Variants in SMC1A observed in about 807,000 individuals in gnomAD.
SMC1A encodes the protein structural maintenance of chromosomes 1A.
In SMC1A, 4 loss-of-function variants were observed where a neutral mutation model predicts 94.5. That is an observed-to-expected ratio of 0.04 (90% CI 0.02 to 0.10). SMC1A has a LOEUF of 0.10. Among genes scored for constraint, SMC1A ranks in the 10% least tolerant of loss-of-function variants. The probability of loss-of-function intolerance (pLI) is 1.00; values close to 1 mark genes in which losing one functional copy is unlikely to be tolerated. For missense variants in SMC1A, 304 were observed against 989.0 expected, an observed-to-expected ratio of 0.31 and a Z score of 9.29; for synonymous variants, 345 against 347.7, an observed-to-expected ratio of 0.99 and a Z score of 0.09.
rs1057515959 is a variant in SMC1A, at chrX:53,376,432, G to A, written c.*3671C>T. 2 of 111,828 alleles carry A rather than the reference G, an allele frequency of 1.8e-5. No homozygotes were observed. Among genetic ancestry groups the A allele is most frequent in the Non-Finnish European group, 3.8e-5 (2 of 53,152 alleles). 9.2% of individuals were successfully genotyped at this position (111,828 alleles called of 1,213,427 possible). A position where few individuals can be genotyped will look rare whatever the true frequency, so the allele number is the denominator to read the frequency against. ...GGCCGGGGCCCAGAATGCCGTACCT[G>A]TTTGTGGTATACAGCCAGTTTGGGA... On this transcript the variant is annotated 3_prime_UTR_variant, in exon 25 of 25. Coordinates refer to ENST00000322213, the MANE Select transcript of SMC1A (RefSeq NM_006306.4).
intron 19 of SMC1A, 62 bp from the exon 20 acceptor site, chrX:53,383,315 G>T: frequency 9.2e-7 from 1 of 1,089,435 alleles, no homozygotes; most frequent in Non-Finnish European, 1.2e-6. Flanking sequence ...GGCCCCCACC[G>T]AAAGATGACT....
chrX:53,413,709 T>G (rs2075721810), intron 3 of SMC1A, among the ~76,000 whole-genome samples: 1 of 111,524 alleles, frequency 9.0e-6, no homozygotes, highest in South Asian at 3.7e-4. Flanking sequence ...TAGGGATATC[T>G]ATCTCAGAAG....
In SMC1A at chrX:53,405,616, A is replaced by G. The variant is rs148508247; in HGVS notation, c.1788T>C (p.Asp596=). 4.1e-6 allele frequency: 5 copies of G among 1,210,161 alleles called. No individual in the cohort carries two copies. In the African/African-American group the frequency reaches 8.7e-5, roughly 21 times the overall value. The change falls in exon 11 of 25, where the codon GAT becomes GAC. Residue 596 remains aspartate (D), a synonymous_variant. Transcript: ENST00000322213. ...RELKGAKLVI[D]VIRYEPPHIK... ...TATGAGGTGGCTCATAGCGAATCAC[A>G]TCAATCACTAGCTTGGCCCCCTTCA...
At chrX:53,384,282 G>C (rs2075596285) in intron 19 of SMC1A, among the ~76,000 whole-genome samples, 2 of 102,844 alleles carry the variant, frequency 1.9e-5, no homozygotes, top group South Asian at 8.9e-4. Flanking sequence ...TTTTTTTTTG[G>C]AGACAGAGTC....
intron 16 of SMC1A, among the ~76,000 whole-genome samples, chrX:53,396,938 GAC>G (rs1211170651): frequency 3.6e-5 from 4 of 112,077 alleles, no homozygotes; most frequent in Non-Finnish European, 7.5e-5. Flanking sequence ...TTGATTTACA[GAC>G]AGTTTTACAT....
chrX:53,409,023 T>C (rs1556890123), intron 9 of SMC1A, 39 bp downstream of exon 9: 3 of 1,149,361 alleles, frequency 2.6e-6, no homozygotes, highest in Non-Finnish European at 2.4e-6. Flanking sequence ...TGACAGTGAG[T>C]GTAAGTGCTC....
chrX:53,394,731 T>TGCCCCCCCCCCCC, intron 19 of SMC1A, 47 bp downstream of exon 19: 8 of 416,189 alleles, frequency 1.9e-5, no homozygotes, highest in East Asian at 4.6e-5. Context: ...ATAGTCCCAC[T>TGCCCCCCCCCCCC]CCCACCCAAC....
chrX:53,390,486 T>G (rs1300990115), intron 19 of SMC1A, among the ~76,000 whole-genome samples: 1 of 104,707 alleles, frequency 9.6e-6, no homozygotes, highest in Non-Finnish European at 2.0e-5. Context: ...AGACTCTATC[T>G]CAAAAAAAAA....
chrX:53,397,512 C>T (rs1924377067), intron 16 of SMC1A, among the ~76,000 whole-genome samples: 1 of 110,697 alleles, frequency 9.0e-6, no homozygotes, highest in African/African-American at 3.3e-5. Flanking sequence ...GCCTGGGAGG[C>T]GGAGGTTGCA....
rs200645744 is a variant in SMC1A at position 53,409,071 on chromosome X, A to G, written c.1536T>C (p.Pro512=). ...EIMESIKRLY[P]GSVYGRLIDL... ...CCCTCTCTGCTCTTACCACAGAGCC[A>G]GGGTAAAGGCGCTTGATGCTTTCCA... is the stretch of plus-strand genomic sequence containing the variant. The change falls in exon 9 of 25, where the codon CCT becomes CCC. Residue 512 remains proline (P), a synonymous_variant. Transcript: ENST00000322213. 1.7e-6 allele frequency: 2 copies of G among 1,208,568 alleles called. No individual in the cohort carries two copies. Among genetic ancestry groups the G allele is most frequent in the Middle Eastern group, 2.3e-4 (1 of 4,266 alleles).
rs1015571458 is a variant in SMC1A, at chrX:53,379,032, C to T, written c.*1071G>A. 2 of 111,783 alleles carry T rather than the reference C, an allele frequency of 1.8e-5. No homozygotes were observed. Among genetic ancestry groups the T allele is most frequent in the African/African-American group, 6.5e-5 (2 of 30,746 alleles). 9.2% of individuals were successfully genotyped at this position (111,783 alleles called of 1,213,427 possible). On this transcript the variant is annotated 3_prime_UTR_variant, in exon 25 of 25. Transcript: ENST00000322213. ...CCAGATTTGGAGGCTTCTTCTGTCC[C>T]TAATAGCTGGGATCAGAAGCTCTCA... is the stretch of plus-strand genomic sequence containing the variant.
intron 5 of SMC1A, 144 bp from the exon 6 acceptor site, chrX:53,412,397 C>T (rs1188548763): frequency 1.7e-5 from 10 of 591,009 alleles, no homozygotes; most frequent in African/African-American, 4.6e-5. Flanking sequence ...CCCCACAGAT[C>T]CTGAAAAAAA....
At position 53,411,756 on chromosome X, in the gene SMC1A, C is replaced by T. The variant is rs1569358589; in HGVS notation, c.1254+5G>A. 8.3e-7 allele frequency: 1 copy of T among 1,208,408 alleles called. No individual in the cohort carries two copies. Among genetic ancestry groups the T allele is most frequent in the Admixed American group, 2.2e-5 (1 of 45,690 alleles). ...ATCATCCCTAATCTTATAACTATAGCCCACCTCTGTCTCTACTTTCTTCCG... is the reference window on the plus strand; with the variant it reads ...ATCATCCCTAATCTTATAACTATAGTCCACCTCTGTCTCTACTTTCTTCCG... On this transcript the variant is annotated splice_donor_5th_base_variant and intron_variant, in intron 7 of 24. Coordinates refer to ENST00000322213, the MANE Select transcript of SMC1A (RefSeq NM_006306.4).
At chrX:53,408,852 A>T (rs907801604) in intron 9 of SMC1A, among the ~76,000 whole-genome samples, 1 of 109,235 alleles carries the variant, frequency 9.2e-6, no homozygotes, top group Non-Finnish European at 1.9e-5. Flanking sequence ...AAAAAAAAAA[A>T]AAAAAAAAAA....
At chrX:53,422,433 G>T in intron 1 of SMC1A, 59 bp downstream of exon 1, 1 of 816,198 alleles carries the variant, frequency 1.2e-6, no homozygotes, top group Non-Finnish European at 1.9e-6. Flanking sequence ...TACTACTCCG[G>T]CACCGGATAA....
In SMC1A at chrX:53,375,409, G is replaced by A. The variant is rs2075556240; in HGVS notation, c.*4694C>T. On this transcript the variant is annotated 3_prime_UTR_variant, in exon 25 of 25. Transcript: ENST00000322213. ...AATTCCCCTCTGAGGACCTCAGAAG[G>A]GGTTTGGGCAGTCTTCCCTTACAAG... 9.0e-6 allele frequency: 1 copy of A among 111,489 alleles called. No homozygotes were observed. Among genetic ancestry groups the A allele is most frequent in the African/African-American group, 3.3e-5 (1 of 30,591 alleles). 9.2% of individuals were successfully genotyped at this position (111,489 alleles called of 1,213,427 possible). A position where few individuals can be genotyped will look rare whatever the true frequency, so the allele number is the denominator to read the frequency against.
intron 16 of SMC1A, 136 bp from the exon 17 acceptor site, chrX:53,396,753 A>C: frequency 1.5e-6 from 1 of 664,499 alleles, no homozygotes; most frequent in Non-Finnish European, 2.3e-6. Flanking sequence ...TCACACCCCC[A>C]TCACCCCTCA....
intron 19 of SMC1A, among the ~76,000 whole-genome samples, chrX:53,392,269 A>G (rs953649159): frequency 4.6e-5 from 5 of 108,209 alleles, no homozygotes; most frequent in African/African-American, 1.7e-4. Context: ...GCAGGTGCCC[A>G]TAGTCCCAGC....
At chrX:53,404,946 C>T in intron 13 of SMC1A, 66 bp downstream of exon 13, 1 of 1,141,165 alleles carries the variant, frequency 8.8e-7, no homozygotes, top group African/African-American at 1.8e-5. Flanking sequence ...TCCCCACCCC[C>T]AGAGAAACCT....
Sources: allele counts gnomAD v4.1 joint callset (sites outside exome capture counted in the v4.1 genomes callset), GRCh38; gene constraint gnomAD v4.1.1; transcripts MANE v1.5; gene names NCBI Gene and HGNC (gene_info 2026-07-23, HGNC 2026-07-21).